The following RANBP2 variants were observed in gnomAD, a reference collection of about 807,000 sequenced individuals.
The protein encoded by RANBP2 is E3 SUMO-protein ligase RanBP2.
Under a neutral mutation model 303.6 loss-of-function variants are expected in RANBP2, and 57 were observed. The ratio of observed to expected loss-of-function variants is 0.19; its 90% CI spans 0.15 to 0.23. The LOEUF (loss-of-function observed/expected upper bound fraction) is 0.23, where lower values mean the gene tolerates loss of function less well. Ranked by LOEUF, RANBP2 falls within the 10% of genes least tolerant of loss-of-function variation. The pLI, the probability that RANBP2 is intolerant of heterozygous loss-of-function variation, is 1.00. For missense variants in RANBP2, 3,138 were observed against 3,780.8 expected (o/e 0.83, Z 4.46); for synonymous variants, 1,167 against 1,301.5 (o/e 0.90, Z 2.23).
the RANBP2 span, among the ~76,000 whole-genome samples, chr2:108,907,203 G>A: frequency 6.6e-6 from 1 of 152,226 alleles, no homozygotes; most frequent in African/African-American, 2.4e-5. Flanking sequence ...GAAGAAAAAC[G>A]TTGTGTGTGT....
downstream of RANBP2, among the ~76,000 whole-genome samples, chr2:108,789,374 C>T (rs1004368992): frequency 1.3e-5 from 2 of 152,070 alleles, no homozygotes; most frequent in African/African-American, 4.8e-5. Context: ...GGGTGGATCA[C>T]CTGAGGTCAG....
the RANBP2 span, among the ~76,000 whole-genome samples, chr2:109,573,334 T>C: frequency 5.9e-5 from 9 of 152,178 alleles, no homozygotes; most frequent in Non-Finnish European, 7.3e-5. Flanking sequence ...AATTACCTCA[T>C]GTTGCTCCTC....
At chr2:109,254,603 A>G in the RANBP2 span, among the ~76,000 whole-genome samples, 6 of 152,172 alleles carry the variant, frequency 3.9e-5, no homozygotes, top group African/African-American at 1.4e-4. Context: ...GACTATTCCC[A>G]TGACCCCGTG....
chr2:109,136,539 G>A, the RANBP2 span, among the ~76,000 whole-genome samples: 1 of 152,184 alleles, frequency 6.6e-6, no homozygotes, highest in Non-Finnish European at 1.5e-5. Context: ...AGCATGATTT[G>A]TATTCTGCTT....
At chr2:109,027,797 C>G in the RANBP2 span, among the ~76,000 whole-genome samples, 1 of 152,308 alleles carries the variant, frequency 6.6e-6, no homozygotes, top group South Asian at 2.1e-4. Flanking sequence ...GGCATGCTGG[C>G]CTCCCCGCCA....
At chr2:108,918,151 T>C in the RANBP2 span, among the ~76,000 whole-genome samples, 4 of 152,198 alleles carry the variant, frequency 2.6e-5, no homozygotes, top group Non-Finnish European at 5.9e-5. Context: ...CTCCTTCCAC[T>C]GTCACCAGCT....
chr2:108,737,128 A>C (rs966778125), intron 6 of RANBP2, among the ~76,000 whole-genome samples: 14 of 152,140 alleles, frequency 9.2e-5, no homozygotes, highest in African/African-American at 3.4e-4. Flanking sequence ...ATTTTCTTGA[A>C]AAAGTACATA....
the RANBP2 span, among the ~76,000 whole-genome samples, chr2:108,942,421 G>T: frequency 6.6e-6 from 1 of 152,216 alleles, no homozygotes; most frequent in African/African-American, 2.4e-5. Context: ...CGAGTCAAGG[G>T]GCCTGGGCGT....
the RANBP2 span, among the ~76,000 whole-genome samples, chr2:108,871,924 G>A: frequency 6.6e-6 from 1 of 152,074 alleles, no homozygotes; most frequent in African/African-American, 2.4e-5. Context: ...TATATTCAGT[G>A]ATCAAGACTA....
the RANBP2 span, among the ~76,000 whole-genome samples, chr2:109,522,642 G>A: frequency 1.9e-4 from 28 of 151,304 alleles, no homozygotes; most frequent in Non-Finnish European, 2.5e-4. Context: ...CTGAGCTCAA[G>A]CAATCCTCCC....
chr2:109,558,785 T>C, the RANBP2 span, among the ~76,000 whole-genome samples: 1 of 152,200 alleles, frequency 6.6e-6, no homozygotes, highest in Non-Finnish European at 1.5e-5. Flanking sequence ...AACTTGTCTT[T>C]ACTGCTAGAT....
Position 108,755,574 on chromosome 2 carries a change from T to C in RANBP2, c.2466+315T>C, listed in dbSNP as rs1345853587. ...AGGCCCAGCTAATTGTTGTATTTTT[T>C]ATAGAGATGGGATTTTGCCATGTTG... On this transcript the variant is annotated intron_variant, in intron 17 of 28. Coordinates refer to ENST00000283195, the MANE Select transcript of RANBP2 (RefSeq NM_006267.5). 1.4e-4 allele frequency among the ~76,000 whole-genome samples: 20 copies of C among 143,850 alleles called. 1 individual carries two copies. The highest frequency in any genetic ancestry group is 1.0e-3 in the East Asian group (5 of 4,766). 94.4% of individuals were successfully genotyped at this position (143,850 alleles called of 152,430 possible).
chr2:109,359,473 C>T, the RANBP2 span, among the ~76,000 whole-genome samples: 1 of 152,222 alleles, frequency 6.6e-6, no homozygotes, highest in Non-Finnish European at 1.5e-5. Context: ...TCCCTATATA[C>T]ATCTTGCACA....
chr2:109,659,802 C>G, the RANBP2 span, among the ~76,000 whole-genome samples: 3 of 152,334 alleles, frequency 2.0e-5, no homozygotes, highest in African/African-American at 7.2e-5. Context: ...AGAAGGGGAA[C>G]AGCAGCAAAG....
In RANBP2 at chr2:108,775,850, G is replaced by T. The variant is rs368049213; in HGVS notation, c.8411G>T (p.Ser2804Ile). The T allele has an allele frequency of 9.3e-6, 15 of 1,613,618 alleles. No individual in the cohort carries two copies. The African/African-American group carries it at 1.7e-4, about 19-fold the overall frequency. ...EEPDSITKSI[S>I]SPSVSSETMD... ...CCTGATTCTATTACCAAATCCATTA[G>T]TTCACCATCTGTTTCCTCTGAAACT... is the stretch of plus-strand genomic sequence containing the variant. The change falls in exon 24 of 29, where the codon AGT (serine) becomes ATT (isoleucine). Residue 2804 changes from serine to isoleucine, a missense_variant. By Grantham distance (142) the Ser-to-Ile change is moderately radical (BLOSUM62 -2). This residue lies in a region of RANBP2 where 497 missense variants were observed against 465.8 expected (regional missense o/e 1.07). Transcript: ENST00000283195.
the RANBP2 span, among the ~76,000 whole-genome samples, chr2:109,084,316 G>A: frequency 6.6e-6 from 1 of 152,214 alleles, no homozygotes. Context: ...CTTCACAGTG[G>A]TGAGAAGGGC....
the RANBP2 span, among the ~76,000 whole-genome samples, chr2:108,950,058 TG>T: frequency 5.9e-5 from 9 of 152,160 alleles, no homozygotes; most frequent in Non-Finnish European, 1.3e-4. Flanking sequence ...CATGGTGCCA[TG>T]GGGAGGGGCA....
chr2:109,289,781 A>G, the RANBP2 span, among the ~76,000 whole-genome samples: 2 of 152,152 alleles, frequency 1.3e-5, no homozygotes, highest in Non-Finnish European at 2.9e-5. Context: ...TAAGCTGGAA[A>G]CTGGGTGACA....
At chr2:109,191,663 A>C in the RANBP2 span, among the ~76,000 whole-genome samples, 3 of 152,282 alleles carry the variant, frequency 2.0e-5, no homozygotes, top group South Asian at 2.1e-4. Flanking sequence ...CCACTTGCCC[A>C]TGGCAGTATA....
Sources: gnomAD v4.1 joint callset for allele counts (sites outside exome capture counted in the v4.1 genomes callset) on GRCh38, gnomAD v4.1.1 for gene constraint, gnomAD v4.1.1 regional missense constraint, MANE v1.5 for transcripts, NCBI Gene and HGNC (gene_info 2026-07-23, HGNC 2026-07-21) for gene names.